Variants in MAGI3 observed in about 807,000 individuals in gnomAD.
The protein encoded by MAGI3 is membrane associated guanylate kinase, WW and PDZ domain containing 3, also known as membrane-associated guanylate kinase, WW and PDZ domain-containing protein 3.
Under a neutral mutation model 121.8 loss-of-function variants are expected in MAGI3, and 43 were observed. The observed-to-expected ratio is 0.35, with a 90% CI of 0.28 to 0.46. The LOEUF (loss-of-function observed/expected upper bound fraction) is 0.46. MAGI3 is among the 20% of genes least tolerant of loss of function. The probability of loss-of-function intolerance (pLI) is 1.00; values close to 1 mark genes in which losing one functional copy is unlikely to be tolerated. For missense variants in MAGI3, 1,547 were observed against 1,797.3 expected (o/e 0.86, Z 2.52); for synonymous variants, 553 against 639.3 (o/e 0.86, Z 2.04).
intron 2 of MAGI3, among the ~76,000 whole-genome samples, chr1:113,560,270 C>T (rs902481585): frequency 2.0e-5 from 3 of 151,878 alleles, no homozygotes; most frequent in African/African-American, 7.3e-5. Flanking sequence ...CCTAGCTACT[C>T]GGGGCTGAGG....
At chr1:113,663,306 ACT>A (rs1267288301) in intron 16 of MAGI3, among the ~76,000 whole-genome samples, 1 of 150,722 alleles carries the variant, frequency 6.6e-6, no homozygotes, top group East Asian at 1.9e-4. Flanking sequence ...AATCATTACC[ACT>A]AGTTCCACAT....
chr1:113,534,651 G>A (rs999118897), intron 1 of MAGI3, among the ~76,000 whole-genome samples: 3 of 152,076 alleles, frequency 2.0e-5, no homozygotes, highest in African/African-American at 4.8e-5. Flanking sequence ...TAACACTGGG[G>A]TGACCATTAT....
intron 16 of MAGI3, 37 bp from the exon 17 acceptor site, chr1:113,671,697 A>G: frequency 6.2e-7 from 1 of 1,601,728 alleles, no homozygotes; most frequent in Middle Eastern, 1.7e-4. Context: ...ATTTTTATGT[A>G]CAAATTCTTA....
chr1:113,566,031 C>G (rs1431094777), intron 2 of MAGI3, among the ~76,000 whole-genome samples: 1 of 152,164 alleles, frequency 6.6e-6, no homozygotes, highest in Non-Finnish European at 1.5e-5. Flanking sequence ...TGTCATTTTT[C>G]ATATCAACTG....
chr1:113,600,739 A>G (rs1480803862), intron 6 of MAGI3, among the ~76,000 whole-genome samples: 1 of 152,220 alleles, frequency 6.6e-6, no homozygotes, highest in African/African-American at 2.4e-5. Context: ...TTCATATGGA[A>G]CCAAAAAAGA....
intron 9 of MAGI3, among the ~76,000 whole-genome samples, chr1:113,635,992 A>G (rs972685720): frequency 1.3e-5 from 2 of 152,114 alleles, no homozygotes; most frequent in African/African-American, 4.8e-5. Context: ...CATTTCTTCT[A>G]GATTTTCTAG....
intron 7 of MAGI3, among the ~76,000 whole-genome samples, chr1:113,616,947 G>C (rs551850371): frequency 2.7e-5 from 4 of 148,152 alleles, no homozygotes; most frequent in Non-Finnish European, 4.4e-5. Context: ...GCAGCAGCAC[G>C]ATCTTGGCTC....
chr1:113,580,639 G>T lies in MAGI3; in HGVS notation c.531G>T (p.Leu177Phe). ...QFKALEESGA[L>F]LESGTYDGNF... The stretch of plus-strand genomic sequence containing the variant: ...AAGCACTGGAAGAGAGTGGAGCATT[G>T]TTAGAAAGTGGGACATATGATGGTA... Residue 177 changes from leucine (L) to phenylalanine (F), a missense_variant, in exon 3 of 21, where the codon TTG becomes TTT. Physicochemically the swap from Leu to Phe is conservative, Grantham distance 22 (BLOSUM62 0). Coordinates refer to ENST00000307546, the MANE Select transcript of MAGI3 (RefSeq NM_001142782.2). 1 of 1,607,348 alleles carries T rather than the reference G, an allele frequency of 6.2e-7. No homozygotes were observed. The highest frequency in any genetic ancestry group is 1.1e-5 in the South Asian group (1 of 90,132).
At chr1:113,662,636 C>G (rs1265859542) in intron 16 of MAGI3, among the ~76,000 whole-genome samples, 1 of 152,156 alleles carries the variant, frequency 6.6e-6, no homozygotes, top group African/African-American at 2.4e-5. Flanking sequence ...ATTTTCCATT[C>G]TCATTTCTCT....
At chr1:113,633,237 C>CTTTTT (rs1359169220) in intron 9 of MAGI3, among the ~76,000 whole-genome samples, 4 of 91,960 alleles carry the variant, frequency 4.3e-5, no homozygotes, top group African/African-American at 1.7e-4. Flanking sequence ...ATGAACTCAT[C>CTTTTT]ATTTTTTTTT....
intron 1 of MAGI3, among the ~76,000 whole-genome samples, chr1:113,495,945 G>C (rs1656899408): frequency 6.6e-6 from 1 of 152,070 alleles, no homozygotes; most frequent in Non-Finnish European, 1.5e-5. Flanking sequence ...ATTGATAACA[G>C]GTTTTTCTCT....
At chr1:113,487,019 C>T (rs1656414358) in intron 1 of MAGI3, among the ~76,000 whole-genome samples, 1 of 152,100 alleles carries the variant, frequency 6.6e-6, no homozygotes, top group African/African-American at 2.4e-5. Context: ...CCTACAAAGT[C>T]TTGAGGTACG....
At chr1:113,545,673 C>T (rs1284494071) in intron 1 of MAGI3, among the ~76,000 whole-genome samples, 1 of 152,066 alleles carries the variant, frequency 6.6e-6, no homozygotes, top group Non-Finnish European at 1.5e-5. Flanking sequence ...TGGATTTATT[C>T]ATGATTGAGG....
At position 113,622,937 on chromosome 1, in the gene MAGI3, C is replaced by A; in HGVS notation, c.1303C>A (p.Gln435Lys). ...TGGAGATAGACCTGATGAGTTCCTA[C>A]AAGTGAAAAATGTGCTGAAAGATGG... is the stretch of plus-strand genomic sequence containing the variant. The part of the protein sequence containing the change: ...IGGDRPDEFL[Q>K]VKNVLKDGPA... The change falls in exon 9 of 21, where the codon CAA becomes AAA. Residue 435 changes from glutamine to lysine, a missense_variant. Coordinates refer to ENST00000307546, the MANE Select transcript of MAGI3 (RefSeq NM_001142782.2). 1 of 1,576,846 alleles carries A rather than the reference C, an allele frequency of 6.3e-7. No individual in the cohort carries two copies.
At chr1:113,511,051 C>G (rs1268463869) in intron 1 of MAGI3, among the ~76,000 whole-genome samples, 1 of 152,216 alleles carries the variant, frequency 6.6e-6, no homozygotes, top group Non-Finnish European at 1.5e-5. Context: ...AATCCCTTAT[C>G]CTGTGCCCAT....
Position 113,594,506 on chromosome 1 carries a change from T to C in MAGI3, c.964T>C (p.Leu322=). Residue 322 remains leucine, a synonymous_variant, in exon 6 of 21, where the codon TTG becomes CTG. Coordinates refer to ENST00000307546, the MANE Select transcript of MAGI3 (RefSeq NM_001142782.2). ...CCACAATACCAAGACAACCACCTGG[T>C]TGGATCCTCGTCTTTGTAAGAAAGC... ...IDHNTKTTTW[L]DPRLCKKAKA... 1 of 1,613,346 alleles carries C rather than the reference T, an allele frequency of 6.2e-7. No homozygotes were observed. The highest frequency in any genetic ancestry group is 1.7e-5 in the Admixed American group (1 of 59,932).
chr1:113,669,858 G>T (rs1647430473), intron 16 of MAGI3, among the ~76,000 whole-genome samples: 1 of 152,056 alleles, frequency 6.6e-6, no homozygotes, highest in Admixed American at 6.5e-5. Context: ...CAAGGCAGTG[G>T]CATGTTTCAA....
At position 113,547,743 on chromosome 1, in the gene MAGI3, C is replaced by T. The variant is rs369915399; in HGVS notation, c.317-1772C>T. ...GTATACTGTATGATTCTGTATTATA[C>T]ATTTAAAAAATGAAATAATATTATT... On this transcript the variant is annotated intron_variant, in intron 1 of 20. Transcript: ENST00000307546. Among the ~76,000 whole-genome samples the T allele has an allele frequency of 3.9e-5, 6 of 152,200 alleles. No individual in the cohort carries two copies. In the East Asian group the frequency reaches 1.2e-3, roughly 29 times the overall value.
chr1:113,519,697 A>G (rs1352157401), intron 1 of MAGI3, among the ~76,000 whole-genome samples: 54 of 152,196 alleles, frequency 3.5e-4, no homozygotes, highest in Non-Finnish European at 2.9e-5. Context: ...TTGAGTTGTG[A>G]CAACACATAT....
Sources: allele counts gnomAD v4.1 joint callset (sites outside exome capture counted in the v4.1 genomes callset), GRCh38; gene constraint gnomAD v4.1.1; transcripts MANE v1.5; gene names NCBI Gene and HGNC (gene_info 2026-07-23, HGNC 2026-07-21).